Variants in PLEKHA8 observed in about 807,000 individuals in gnomAD.
PLEKHA8 encodes pleckstrin homology domain-containing family A member 8.
A neutral mutation model predicts 68.2 loss-of-function variants in PLEKHA8; 36 were observed. The observed-to-expected ratio is 0.53, with a 90% confidence interval of 0.40 to 0.70. The LOEUF is 0.70. PLEKHA8 is among the 30% of genes least tolerant of loss of function. The probability of loss-of-function intolerance (pLI) is 0.00; values close to 1 mark genes in which losing one functional copy is unlikely to be tolerated. For missense variants in PLEKHA8, 505 were observed against 615.4 expected, an observed-to-expected ratio of 0.82 and a Z score of 1.90; for synonymous variants, 211 against 216.1, an observed-to-expected ratio of 0.98 and a Z score of 0.20.
chr7:30,103,218 G>A (rs1795918091), intron 13 of PLEKHA8, among the ~76,000 whole-genome samples: 1 of 152,162 alleles, frequency 6.6e-6, no homozygotes, highest in African/African-American at 2.4e-5. Flanking sequence ...AAGAAATGAT[G>A]CACAACAATG....
intron 13 of PLEKHA8, among the ~76,000 whole-genome samples, chr7:30,115,322 G>C (rs1241327461): frequency 1.3e-5 from 2 of 151,908 alleles, no homozygotes; most frequent in African/African-American, 4.8e-5. Flanking sequence ...TAAAAATTGG[G>C]GACATCCATA....
chr7:30,124,686 G>T (rs1796744417), intron 13 of PLEKHA8, among the ~76,000 whole-genome samples: 1 of 151,966 alleles, frequency 6.6e-6, no homozygotes, highest in Non-Finnish European at 1.5e-5. Context: ...GCTTTCTGTT[G>T]ACCTTACTAG....
chr7:30,028,737 G>A lies in PLEKHA8; in HGVS notation c.-26G>A. Reference sequence around the variant, plus strand: ...CCTGGGGCAGTGAGGGGGCCGGCGGGCGTGGGCCGAGTGGCCGCGGGCGCC... The same window carrying A: ...CCTGGGGCAGTGAGGGGGCCGGCGGACGTGGGCCGAGTGGCCGCGGGCGCC... On this transcript the variant is annotated 5_prime_UTR_variant, in exon 1 of 14. Transcript: ENST00000449726. 8.0e-7 allele frequency: 1 copy of A among 1,253,288 alleles called. No homozygotes were observed. Among genetic ancestry groups the A allele is most frequent in the Non-Finnish European group, 1.0e-6 (1 of 991,946 alleles). The allele number at this position is 1,253,288 out of a possible 1,614,324, so 77.6% of individuals were successfully genotyped here.
chr7:30,070,498 A>G (rs1319995423), intron 12 of PLEKHA8, among the ~76,000 whole-genome samples: 1 of 150,706 alleles, frequency 6.6e-6, no homozygotes, highest in African/African-American at 2.4e-5. Flanking sequence ...ATGGCAATGT[A>G]TAGGAAAGGT....
At chr7:30,039,680 T>G (rs549081273) in intron 1 of PLEKHA8, among the ~76,000 whole-genome samples, 2 of 152,378 alleles carry the variant, frequency 1.3e-5, no homozygotes, top group South Asian at 4.1e-4. Context: ...CCTATCACCT[T>G]GCTGAACTCA....
chr7:30,069,787 G>A (rs1794115588), intron 12 of PLEKHA8: 1 of 151,994 alleles, frequency 6.6e-6, no homozygotes, highest in Admixed American at 6.5e-5. Context: ...TACCTTTCTG[G>A]GTCTTCCATG....
rs1794858670 is a variant in PLEKHA8, at chr7:30,080,268, C to A, written c.*1481C>A. The A allele has an allele frequency of 1.1e-5, 11 of 985,198 alleles. No individual in the cohort carries two copies. Among genetic ancestry groups the A allele is most frequent in the South Asian group, 4.7e-5 (1 of 21,282 alleles). The allele number at this position is 985,198 out of a possible 1,614,324, so 61.0% of individuals were successfully genotyped here. On this transcript the variant is annotated 3_prime_UTR_variant, in exon 14 of 14. Transcript: ENST00000449726. ...CTTCTGCACAGTGTGATGCTCCAAC[C>A]CTGGCCCTAGTCTCAGTAGACCATG...
Position 30,054,768 on chromosome 7 carries a change from T to A in PLEKHA8, c.856T>A (p.Leu286Met), listed in dbSNP as rs1792695668. ...AAACCTGAAAAATCATGACAATAAC[T>A]TGACTCAGTCTGGATCAGACTCAAG... ...MENLKNHDNN[L>M]TQSGSDSSCS... The change falls in exon 8 of 14, where the codon TTG becomes ATG. Residue 286 changes from leucine to methionine, a missense_variant. Physicochemically the swap from Leu to Met is conservative, Grantham distance 15. Coordinates refer to ENST00000449726, the MANE Select transcript of PLEKHA8 (RefSeq NM_001197026.2). 1 of 1,607,436 alleles carries A rather than the reference T, an allele frequency of 6.2e-7. No homozygotes were observed. Among genetic ancestry groups the A allele is most frequent in the African/African-American group, 1.3e-5 (1 of 74,728 alleles).
intron 1 of PLEKHA8, among the ~76,000 whole-genome samples, chr7:30,044,780 ACATCT>A (rs1413028146): frequency 6.6e-6 from 1 of 152,246 alleles, no homozygotes; most frequent in African/African-American, 2.4e-5. Context: ...AATAGAATAC[ACATCT>A]CATTTATTTC....
chr7:30,083,621 T>C lies in PLEKHA8; in HGVS notation c.*4834T>C. On this transcript the variant is annotated 3_prime_UTR_variant, in exon 14 of 14. Coordinates refer to ENST00000449726, the MANE Select transcript of PLEKHA8 (RefSeq NM_001197026.2). ...ATTGATCTTTCTTCTCTGCTGTTTT[T>C]ATATAGCCTTTAATTAAAAGGAAAA... 1 of 985,448 alleles carries C rather than the reference T, an allele frequency of 1.0e-6. No individual in the cohort carries two copies. The highest frequency in any genetic ancestry group is 1.2e-6 in the Non-Finnish European group (1 of 829,932). 61.0% of individuals were successfully genotyped at this position (985,448 alleles called of 1,614,324 possible).
rs186703556 is a variant in PLEKHA8, at chr7:30,073,485, C to A, written c.1301-586C>A. Among the ~76,000 whole-genome samples, 41 of 148,092 alleles carry A rather than the reference C, an allele frequency of 2.8e-4. No homozygotes were observed. The East Asian group carries it at 7.5e-3, about 27-fold the overall frequency. ...TCTTTGTTTCTTTATATGTATTGAC[C>A]TTTTCCCACCATGATAATAAGCTGA... On this transcript the variant is annotated intron_variant, in intron 12 of 13. Coordinates refer to ENST00000449726, the MANE Select transcript of PLEKHA8 (RefSeq NM_001197026.2).
chr7:30,036,022 G>C (rs1448284270), intron 1 of PLEKHA8, among the ~76,000 whole-genome samples: 2 of 152,040 alleles, frequency 1.3e-5, no homozygotes, highest in Non-Finnish European at 2.9e-5. Context: ...TTGGGAGGCC[G>C]ACATGGGCAG....
chr7:30,056,053 C>T (rs1051287632), intron 9 of PLEKHA8, among the ~76,000 whole-genome samples: 2 of 151,060 alleles, frequency 1.3e-5, no homozygotes, highest in Admixed American at 6.6e-5. Flanking sequence ...TGCTGTTCTC[C>T]TGCCTCAGCC....
chr7:30,058,319 C>T (rs1793154150), intron 9 of PLEKHA8, among the ~76,000 whole-genome samples: 1 of 151,986 alleles, frequency 6.6e-6, no homozygotes, highest in African/African-American at 2.4e-5. Context: ...TTCTTTTATA[C>T]TTAGTGCTTT....
At chr7:30,070,303 GCTT>G (rs958834173) in intron 12 of PLEKHA8, among the ~76,000 whole-genome samples, 3 of 152,142 alleles carry the variant, frequency 2.0e-5, no homozygotes, top group African/African-American at 7.2e-5. Flanking sequence ...ACAAGGAACA[GCTT>G]CTTTGTCTAC....
At chr7:30,117,948 G>A (rs1019123683) in intron 13 of PLEKHA8, 13 of 1,495,392 alleles carry the variant, frequency 8.7e-6, no homozygotes, top group Non-Finnish European at 1.2e-5. Flanking sequence ...TAAAAACTGA[G>A]ACGTGGATTC....
Position 30,084,227 on chromosome 7 carries a change from A to G in PLEKHA8, c.*5440A>G. The stretch of plus-strand genomic sequence containing the variant: ...AAATGTACATAGATTTCCTTGGATT[A>G]ATTTTTAAGTCACTGTTTAATTCCA... On this transcript the variant is annotated 3_prime_UTR_variant, in exon 14 of 14. Transcript: ENST00000449726. 1.0e-6 allele frequency: 1 copy of G among 985,236 alleles called. No homozygotes were observed. Among genetic ancestry groups the G allele is most frequent in the Non-Finnish European group, 1.2e-6 (1 of 829,740 alleles). 61.0% of individuals were successfully genotyped at this position (985,236 alleles called of 1,614,324 possible). A position where few individuals can be genotyped will look rare whatever the true frequency, so the allele number is the denominator to read the frequency against.
At position 30,081,760 on chromosome 7, in the gene PLEKHA8, A is replaced by C; in HGVS notation, c.*2973A>C. The stretch of plus-strand genomic sequence containing the variant: ...TCTACTAGGTATTGTAGACACAAAT[A>C]AGTAACATTAGGCTAACCCCTTATG... On this transcript the variant is annotated 3_prime_UTR_variant, in exon 14 of 14. Coordinates refer to ENST00000449726, the MANE Select transcript of PLEKHA8 (RefSeq NM_001197026.2). The C allele has an allele frequency of 1.0e-6, 1 of 985,412 alleles. No individual in the cohort carries two copies. Among genetic ancestry groups the C allele is most frequent in the Non-Finnish European group, 1.2e-6 (1 of 829,898 alleles). 61.0% of individuals were successfully genotyped at this position (985,412 alleles called of 1,614,324 possible).
chr7:30,111,537 T>G (rs910013256), intron 13 of PLEKHA8, among the ~76,000 whole-genome samples: 1 of 152,176 alleles, frequency 6.6e-6, no homozygotes, highest in African/African-American at 2.4e-5. Context: ...TTCTGTCTTA[T>G]TTTTTAATTT....
Sources: allele counts gnomAD v4.1 joint callset (sites outside exome capture counted in the v4.1 genomes callset), GRCh38; gene constraint gnomAD v4.1.1; transcripts MANE v1.5; gene names NCBI Gene and HGNC (gene_info 2026-07-23, HGNC 2026-07-21).